The following L3MBTL3 variants were observed in gnomAD, a reference collection of about 807,000 sequenced individuals.
The protein encoded by L3MBTL3 is lethal(3)malignant brain tumor-like protein 3.
L3MBTL3 carries 27 observed loss-of-function variants against 102.3 expected under a neutral mutation model. The ratio of observed to expected loss-of-function variants is 0.26; its 90% CI spans 0.19 to 0.36. The LOEUF is 0.36. Among genes scored for constraint, L3MBTL3 ranks in the 10% least tolerant of loss-of-function variants. L3MBTL3 has a pLI of 1.00. For synonymous variants in L3MBTL3, 340 were observed against 320.9 expected (o/e 1.06, Z -0.64); for missense variants, 798 against 955.3 (o/e 0.84, Z 2.17).
At chr6:130,073,584 C>A (rs1292307665) in intron 13 of L3MBTL3, among the ~76,000 whole-genome samples, 1 of 152,042 alleles carries the variant, frequency 6.6e-6, no homozygotes, top group Non-Finnish European at 1.5e-5. Context: ...ATAAGTATTA[C>A]AGTGTTTTAA....
chr6:130,099,630 T>C (rs774793732), intron 18 of L3MBTL3, among the ~76,000 whole-genome samples: 1 of 152,150 alleles, frequency 6.6e-6, no homozygotes, highest in Non-Finnish European at 1.5e-5. Flanking sequence ...CATAATTGCT[T>C]GTGAATTTTA....
At chr6:130,055,778 G>A (rs1781464177) in intron 8 of L3MBTL3, among the ~76,000 whole-genome samples, 2 of 149,680 alleles carry the variant, frequency 1.3e-5, no homozygotes, top group Non-Finnish European at 3.0e-5. Context: ...CTCTGTTCTT[G>A]TTCATTTCCC....
chr6:130,037,472 A>G (rs1780133403), intron 2 of L3MBTL3, among the ~76,000 whole-genome samples: 1 of 151,858 alleles, frequency 6.6e-6, no homozygotes, highest in South Asian at 2.1e-4. Context: ...TAGGCAGTCG[A>G]TATCATTGCT....
At chr6:130,038,722 C>G (rs1398548197) in intron 2 of L3MBTL3, among the ~76,000 whole-genome samples, 1 of 152,002 alleles carries the variant, frequency 6.6e-6, no homozygotes, top group East Asian at 1.9e-4. Context: ...TGTAGGTTTT[C>G]TCTTAACTAT....
chr6:130,138,426 G>C (rs1235297476), intron 22 of L3MBTL3: 2 of 152,266 alleles, frequency 1.3e-5, no homozygotes, highest in Non-Finnish European at 2.9e-5. Context: ...GTGACTTGTA[G>C]ATGGTGGTCT....
intron 16 of L3MBTL3, among the ~76,000 whole-genome samples, chr6:130,089,945 A>T (rs954104004): frequency 3.3e-5 from 5 of 151,974 alleles, no homozygotes; most frequent in Admixed American, 3.3e-4. Flanking sequence ...TCTTTCTCAT[A>T]CTCAGCAGCC....
At chr6:130,135,745 A>G (rs745464614) in intron 22 of L3MBTL3, among the ~76,000 whole-genome samples, 5 of 151,994 alleles carry the variant, frequency 3.3e-5, no homozygotes, top group South Asian at 2.1e-4. Flanking sequence ...TCATTCATTT[A>G]CTCCTTCATT....
chr6:130,061,606 C>G (rs750418987), intron 10 of L3MBTL3, among the ~76,000 whole-genome samples: 47 of 152,292 alleles, frequency 3.1e-4, no homozygotes, highest in Non-Finnish European at 5.3e-4. Context: ...CTGACACTCT[C>G]AAACTTGATC....
At chr6:130,116,681 T>G (rs1219068588) in intron 19 of L3MBTL3, among the ~76,000 whole-genome samples, 1 of 151,858 alleles carries the variant, frequency 6.6e-6, no homozygotes, top group East Asian at 1.9e-4. Context: ...TGAGCATGAG[T>G]TTGAGGTTAC....
intron 19 of L3MBTL3, among the ~76,000 whole-genome samples, chr6:130,118,310 G>T (rs923892874): frequency 6.6e-6 from 1 of 152,180 alleles, no homozygotes; most frequent in Non-Finnish European, 1.5e-5. Context: ...TTCAAGGCGT[G>T]TTATAAAATA....
chr6:130,074,749 C>T (rs1413430789), intron 13 of L3MBTL3, among the ~76,000 whole-genome samples: 1 of 152,144 alleles, frequency 6.6e-6, no homozygotes, highest in Non-Finnish European at 1.5e-5. Context: ...AGTAGAAGGC[C>T]TAAATGAATG....
At chr6:130,019,206 G>A in intron 1 of L3MBTL3, among the ~76,000 whole-genome samples, 1 of 150,044 alleles carries the variant, frequency 6.7e-6, no homozygotes, top group South Asian at 2.1e-4. Context: ...GGCGCGGGGT[G>A]GGGGAGCGCG....
chr6:130,128,755 G>A (rs902403516), intron 20 of L3MBTL3, among the ~76,000 whole-genome samples: 8 of 152,178 alleles, frequency 5.3e-5, no homozygotes, highest in Non-Finnish European at 1.2e-4. Context: ...TAACTCAGAA[G>A]GAATCTTTTC....
chr6:130,024,794 A>T (rs1779234687), intron 2 of L3MBTL3, among the ~76,000 whole-genome samples: 1 of 152,112 alleles, frequency 6.6e-6, no homozygotes, highest in Non-Finnish European at 1.5e-5. Context: ...AGAGATCCTT[A>T]CTCTGGGACT....
intron 22 of L3MBTL3, among the ~76,000 whole-genome samples, chr6:130,135,196 G>T (rs181717654): frequency 6.6e-6 from 1 of 151,558 alleles, no homozygotes; most frequent in Non-Finnish European, 1.5e-5. Flanking sequence ...GAGTAGCTGG[G>T]ATTACAGGTG....
intron 17 of L3MBTL3, among the ~76,000 whole-genome samples, chr6:130,093,680 G>A (rs1037653262): frequency 6.6e-6 from 1 of 152,160 alleles, no homozygotes. Context: ...GAAGGATATT[G>A]GGCCTTTATG....
chr6:130,094,234 C>G (rs1259101860), intron 17 of L3MBTL3, 31 bp from the exon 18 acceptor site: 2 of 1,538,566 alleles, frequency 1.3e-6, no homozygotes, highest in African/African-American at 2.7e-5. Context: ...TAATATTTTG[C>G]CCCTTCTTTC....
chr6:130,125,478 C>T (rs1228936834), intron 20 of L3MBTL3, among the ~76,000 whole-genome samples: 1 of 152,112 alleles, frequency 6.6e-6, no homozygotes, highest in Non-Finnish European at 1.5e-5. Flanking sequence ...ATCAGAGGCC[C>T]CATGGTAATT....
chr6:130,066,571 G>T, intron 11 of L3MBTL3, 83 bp downstream of exon 11: 1 of 1,260,298 alleles, frequency 7.9e-7, no homozygotes, highest in South Asian at 1.4e-5. Flanking sequence ...TAAGAATTCA[G>T]ACTTTATGAA....
Sources: gnomAD v4.1 joint callset for allele counts (sites outside exome capture counted in the v4.1 genomes callset) on GRCh38, gnomAD v4.1.1 for gene constraint, MANE v1.5 for transcripts, NCBI Gene and HGNC (gene_info 2026-07-23, HGNC 2026-07-21) for gene names.